AVEN: variants seen among roughly 807,000 people sequenced by gnomAD.
The protein encoded by AVEN is apoptosis and caspase activation inhibitor, also known as cell death regulator Aven.
AVEN carries 41 observed loss-of-function variants against 38.1 expected under a neutral mutation model. That is an observed-to-expected ratio of 1.08 (90% confidence interval 0.84 to 1.40). AVEN has a LOEUF of 1.40. Ranked by LOEUF, AVEN falls within the 40% of genes most tolerant of loss-of-function variation. The pLI, the probability that AVEN is intolerant of heterozygous loss-of-function variation, is 0.00. For missense variants in AVEN, 605 were observed against 438.8 expected, an observed-to-expected ratio of 1.38 and a Z score of -3.38; for synonymous variants, 206 against 171.8, an observed-to-expected ratio of 1.20 and a Z score of -1.56.
intron 2 of AVEN, among the ~76,000 whole-genome samples, chr15:33,925,068 T>G (rs953513091): frequency 1.3e-5 from 2 of 152,226 alleles, no homozygotes; most frequent in African/African-American, 4.8e-5. Context: ...AATTAGAATT[T>G]AAACTCATTC....
chr15:34,071,266 TA>T (rs926073169), intron 1 of AVEN, among the ~76,000 whole-genome samples: 7 of 152,228 alleles, frequency 4.6e-5, no homozygotes, highest in Middle Eastern at 3.4e-3. Context: ...TATTACTAGC[TA>T]GGGAGTTGCT....
In AVEN at chr15:33,943,556, A is replaced by G. The variant is rs559230199; in HGVS notation, c.445+59476T>C. ...TGGAACTGTACAATTAAAAATTGTTACAATAGGCTGGGCACACGCCTGTAA... is the reference window on the plus strand; with the variant it reads ...TGGAACTGTACAATTAAAAATTGTTGCAATAGGCTGGGCACACGCCTGTAA... On this transcript the variant is annotated intron_variant, in intron 2 of 5. Coordinates refer to ENST00000306730, the MANE Select transcript of AVEN (RefSeq NM_020371.3). 2.1e-3 allele frequency among the ~76,000 whole-genome samples: 321 copies of G among 152,312 alleles called. 2 individuals are homozygous for G. The highest frequency in any genetic ancestry group is 7.3e-3 in the African/African-American group (304 of 41,578).
intron 2 of AVEN, among the ~76,000 whole-genome samples, chr15:33,968,145 AAC>A (rs1386444142): frequency 6.7e-6 from 1 of 150,098 alleles, no homozygotes; most frequent in African/African-American, 2.5e-5. Flanking sequence ...CAAAAAGACT[AAC>A]AGGAAAAAAT....
intron 2 of AVEN, among the ~76,000 whole-genome samples, chr15:33,878,991 G>T (rs1891368845): frequency 6.6e-6 from 1 of 152,016 alleles, no homozygotes; most frequent in South Asian, 2.1e-4. Flanking sequence ...ATTGGTACAA[G>T]ATTCAGTAAT....
intron 3 of AVEN, 78 bp downstream of exon 3, chr15:33,875,847 T>C: frequency 7.5e-7 from 1 of 1,339,708 alleles, no homozygotes; most frequent in African/African-American, 1.5e-5. Context: ...ATGAAGACTC[T>C]ATCTCAAGAA....
At chr15:33,875,131 C>G (rs1236982275) in intron 3 of AVEN, among the ~76,000 whole-genome samples, 2 of 152,164 alleles carry the variant, frequency 1.3e-5, no homozygotes, top group Non-Finnish European at 2.9e-5. Flanking sequence ...ACGAGCCACC[C>G]ACAGCACATA....
At position 34,008,012 on chromosome 15, in the gene AVEN, G is replaced by T. The variant is rs556615146; in HGVS notation, c.268-4803C>A. On this transcript the variant is annotated intron_variant, in intron 1 of 5. Transcript: ENST00000306730. ...CCTTACTTTATCTTTGATTACATCT[G>T]CAAACAACCTATTTCCAAATAAGAT... is the stretch of plus-strand genomic sequence containing the variant. Among the ~76,000 whole-genome samples the T allele has an allele frequency of 9.7e-4, 148 of 152,130 alleles. 3 individuals are homozygous for T. Among genetic ancestry groups the T allele is most frequent in the Non-Finnish European group, 2.5e-4 (17 of 68,028 alleles).
intron 4 of AVEN, among the ~76,000 whole-genome samples, chr15:33,870,580 A>G (rs1228553503): frequency 6.6e-6 from 1 of 152,188 alleles, no homozygotes; most frequent in African/African-American, 2.4e-5. Context: ...TTCCCAATAG[A>G]TTAAGTTCCA....
intron 2 of AVEN, among the ~76,000 whole-genome samples, chr15:34,070,194 G>C (rs922779286): frequency 1.3e-5 from 2 of 152,082 alleles, no homozygotes; most frequent in Middle Eastern, 3.2e-3. Flanking sequence ...TTACTATCAC[G>C]AGAACAGCAC....
chr15:33,982,226 G>C (rs1345104412), intron 2 of AVEN, among the ~76,000 whole-genome samples: 1 of 151,902 alleles, frequency 6.6e-6, no homozygotes, highest in Non-Finnish European at 1.5e-5. Flanking sequence ...ATGTAGAGCT[G>C]CATCTGCAGC....
intron 2 of AVEN, among the ~76,000 whole-genome samples, chr15:34,069,985 C>T (rs1023814515): frequency 1.3e-5 from 2 of 152,106 alleles, no homozygotes; most frequent in African/African-American, 4.8e-5. Flanking sequence ...TCTTACACTG[C>T]TATGAAGAAA....
intron 2 of AVEN, among the ~76,000 whole-genome samples, chr15:33,955,675 A>G (rs1420007868): frequency 6.6e-6 from 1 of 152,228 alleles, no homozygotes; most frequent in Non-Finnish European, 1.5e-5. Flanking sequence ...TAAAAAGAAA[A>G]GCACCATTCT....
At position 33,866,601 on chromosome 15, in the gene AVEN, T is replaced by TTTTTCCCCTTTTTAGG; in HGVS notation, c.1085_*11dup. 6.2e-7 allele frequency: 1 copy of TTTTTCCCCTTTTTAGG among 1,607,956 alleles called. No homozygotes were observed. Among genetic ancestry groups the TTTTTCCCCTTTTTAGG allele is most frequent in the Non-Finnish European group, 8.5e-7 (1 of 1,175,184 alleles). On this transcript the variant is annotated 3_prime_UTR_variant, in exon 6 of 6. Transcript: ENST00000306730. ...CAACCAAGATTTGCTTCAGGCACTT[T>TTTTTCCCCTTTTTAGG]TTTTCCCCTTTTTAGGAAATCATGC...
At chr15:34,048,014 G>A (rs1456341603) in intron 5 of AVEN, among the ~76,000 whole-genome samples, 1 of 139,716 alleles carries the variant, frequency 7.2e-6, no homozygotes, top group Non-Finnish European at 1.6e-5. Context: ...ACATCACCAC[G>A]TCCAGCTCGT....
At chr15:33,931,658 C>T (rs764356420) in intron 2 of AVEN, among the ~76,000 whole-genome samples, 8 of 152,116 alleles carry the variant, frequency 5.3e-5, no homozygotes, top group Non-Finnish European at 1.2e-4. Context: ...CGTGAGCCAC[C>T]GCGCCCGGCC....
At chr15:33,915,458 A>G (rs1366389074) in intron 2 of AVEN, among the ~76,000 whole-genome samples, 1 of 152,164 alleles carries the variant, frequency 6.6e-6, no homozygotes, top group East Asian at 1.9e-4. Flanking sequence ...TGGAGCTGAG[A>G]CAAATTTAGA....
intron 2 of AVEN, among the ~76,000 whole-genome samples, chr15:33,950,353 A>G (rs557381896): frequency 3.0e-4 from 46 of 152,362 alleles, no homozygotes; most frequent in Non-Finnish European, 5.6e-4. Context: ...TTCTCACCAC[A>G]CACATACAGG....
chr15:33,862,894 G>A (rs1421210155), downstream of AVEN, among the ~76,000 whole-genome samples: 1 of 152,228 alleles, frequency 6.6e-6, no homozygotes, highest in Non-Finnish European at 1.5e-5. Flanking sequence ...TGGAATTAGA[G>A]GCGTGAGCCA....
chr15:34,002,716 A>C (rs1457727863), intron 2 of AVEN, among the ~76,000 whole-genome samples: 5 of 152,222 alleles, frequency 3.3e-5, no homozygotes, highest in Non-Finnish European at 5.9e-5. Context: ...GTTTCCTCCA[A>C]TATCAAAGAA....
Sources: gnomAD v4.1 joint callset for allele counts (sites outside exome capture counted in the v4.1 genomes callset) on GRCh38, gnomAD v4.1.1 for gene constraint, MANE v1.5 for transcripts, NCBI Gene and HGNC (gene_info 2026-07-23, HGNC 2026-07-21) for gene names.